Variants in AGRN observed in about 807,000 individuals in gnomAD.
AGRN encodes agrin proteoglycan.
A neutral mutation model predicts 211.0 loss-of-function variants in AGRN; 106 were observed. That is an observed-to-expected ratio of 0.50 (90% confidence interval 0.43 to 0.59). AGRN has a LOEUF of 0.59. AGRN is among the 20% of genes least tolerant of loss of function. AGRN has a pLI of 0.00. For synonymous variants in AGRN, 1,525 were observed against 1,332.5 expected, an observed-to-expected ratio of 1.14 and a Z score of -3.15; for missense variants, 3,040 against 2,982.6, an observed-to-expected ratio of 1.02 and a Z score of -0.45.
At chr1:1,053,303 G>A in intron 33 of AGRN, 1 of 523,970 alleles carries the variant, frequency 1.9e-6, no homozygotes, top group South Asian at 2.0e-5. Context: ...GCATGTGTAG[G>A]TGTCCCTGCT....
chr1:1,049,076 C>CGGGGGGGGAGGG lies in AGRN; in HGVS notation c.4298+21_4298+22insGGGGAGGGGGGG, dbSNP rs759046825. 7 of 1,054,260 alleles carry CGGGGGGGGAGGG rather than the reference C, an allele frequency of 6.6e-6. No individual in the cohort carries two copies. The highest frequency in any genetic ancestry group is 5.8e-5 in the South Asian group (4 of 69,404). 65.3% of individuals were successfully genotyped at this position (1,054,260 alleles called of 1,614,324 possible). ...GCAGCTCAGGTGGGCGGGGAGGGGACGGGGCCGGGGCAGCTCAGGTGGGCG... is the reference window on the plus strand; with the variant it reads ...GCAGCTCAGGTGGGCGGGGAGGGGACGGGGGGGGAGGGGGGGCCGGGGCAGCTCAGGTGGGCG... On this transcript the variant is annotated intron_variant, in intron 24 of 35. Coordinates refer to ENST00000379370, the MANE Select transcript of AGRN (RefSeq NM_198576.4).
intron 4 of AGRN, 33 bp downstream of exon 4, chr1:1,040,913 G>T: frequency 1.4e-6 from 2 of 1,400,144 alleles, no homozygotes; most frequent in Non-Finnish European, 1.8e-6. Flanking sequence ...CTGGGGCGGG[G>T]AGGGGCGGGG....
At chr1:1,045,062 C>G (rs1645052295) in intron 12 of AGRN, 99 bp from the exon 13 acceptor site, 1 of 1,342,300 alleles carries the variant, frequency 7.4e-7, no homozygotes, top group Non-Finnish European at 1.1e-6. Flanking sequence ...ATCGGGACGG[C>G]TGAGTGGTGA....
chr1:1,035,118 C>T, intron 2 of AGRN, 159 bp from the exon 3 acceptor site: 2 of 810,904 alleles, frequency 2.5e-6, no homozygotes, highest in Non-Finnish European at 4.1e-6. Context: ...TCAGCCAGCC[C>T]ATGGGGTCAG....
rs1446088633 is a variant in AGRN at position 1,047,155 on chromosome 1, T to G, written c.3389-172T>G. 1.2e-5 allele frequency: 16 copies of G among 1,345,936 alleles called. No homozygotes were observed. In the Admixed American group the frequency reaches 1.3e-4, roughly 11 times the overall value. 83.4% of individuals were successfully genotyped at this position (1,345,936 alleles called of 1,614,324 possible). On this transcript the variant is annotated intron_variant, in intron 19 of 35. Coordinates refer to ENST00000379370, the MANE Select transcript of AGRN (RefSeq NM_198576.4). ...CGGTGTGGCACACTGCTCTGAGGAG[T>G]CCTCCTGGTAACCGACACCAGCCCC... is the stretch of plus-strand genomic sequence containing the variant.
chr1:1,052,489 T>C (rs896299637), intron 33 of AGRN: 20 of 260,348 alleles, frequency 7.7e-5, no homozygotes, highest in Admixed American at 7.2e-4. Context: ...TGTGTGTATA[T>C]GAGGGAGACA....
intron 3 of AGRN, among the ~76,000 whole-genome samples, chr1:1,037,370 A>G (rs1028227432): frequency 1.1e-4 from 17 of 152,152 alleles, no homozygotes; most frequent in African/African-American, 3.9e-4. Flanking sequence ...CCACAGAGTC[A>G]CGGAGGGCTC....
rs1034878637 is a variant in AGRN at position 1,042,110 on chromosome 1, G to C, written c.1332G>C (p.Gln444His). 6.2e-7 allele frequency: 1 copy of C among 1,602,390 alleles called. No individual in the cohort carries two copies. The highest frequency in any genetic ancestry group is 8.5e-7 in the Non-Finnish European group (1 of 1,178,562). The change falls in exon 7 of 36, where the codon CAG becomes CAC. Residue 444 changes from glutamine to histidine, a missense_variant. Physicochemically the swap from Gln to His is conservative, Grantham distance 24. Around this residue, in one of 3 missense-constraint regions of AGRN, gnomAD observed 1,498 missense variants for 1,457.8 expected, o/e 1.03. Coordinates refer to ENST00000379370, the MANE Select transcript of AGRN (RefSeq NM_198576.4). ...RTYDSDCWRQ[Q>H]AECRQQRAIP... Reference sequence around the variant, plus strand: ...ATGACAGTGATTGCTGGCGGCAGCAGGCTGAGTGCCGGCAGCAGCGTGCCA... The same window carrying C: ...ATGACAGTGATTGCTGGCGGCAGCACGCTGAGTGCCGGCAGCAGCGTGCCA...
Position 1,054,866 on chromosome 1 carries a change from C to T in AGRN, c.6023C>T (p.Ala2008Val), listed in dbSNP as rs1348172114. The change falls in exon 36 of 36, where the codon GCC becomes GTC. Residue 2008 changes from alanine to valine, a missense_variant. By Grantham distance (64) the Ala-to-Val change is moderately conservative. Around this residue, in one of 3 missense-constraint regions of AGRN, gnomAD observed 1,537 missense variants for 1,505.0 expected, o/e 1.02. Coordinates refer to ENST00000379370, the MANE Select transcript of AGRN (RefSeq NM_198576.4). ...ELPVGPALPKAYGTGFVGCLR... is the reference protein window; with the variant it reads ...ELPVGPALPKVYGTGFVGCLR... ...CCCGTGGGCCCAGCACTGCCCAAGG[C>T]CTACGGCACAGGCTTTGTGGGCTGC... The T allele has an allele frequency of 1.3e-6, 2 of 1,557,546 alleles. No homozygotes were observed. Among genetic ancestry groups the T allele is most frequent in the Non-Finnish European group, 1.7e-6 (2 of 1,152,174 alleles).
In AGRN at chr1:1,049,111, CG is replaced by C. The variant is rs754994713; in HGVS notation, c.4298+55del. The C allele has an allele frequency of 2.5e-3, 863 of 342,464 alleles. 21 individuals carry two copies. The African/African-American group carries it at 0.05, about 20-fold the overall frequency. The allele number at this position is 342,464 out of a possible 1,614,324, so 21.2% of individuals were successfully genotyped here. ...GCAGCTCAGGTGGGCGGGGAGGGGA[CG>C]GGCGGGGGAGGGGGGGCCGGGGCAG... On this transcript the variant is annotated intron_variant, in intron 24 of 35. Coordinates refer to ENST00000379370, the MANE Select transcript of AGRN (RefSeq NM_198576.4).
chr1:1,050,373 GTC>G, intron 28 of AGRN, 44 bp downstream of exon 28: 2 of 1,612,680 alleles, frequency 1.2e-6, no homozygotes, highest in Admixed American at 1.7e-5. Flanking sequence ...CCCCACCTCC[GTC>G]TCTCCTGTGG....
rs769084268 is a variant in AGRN at position 1,043,221 on chromosome 1, C to T, written c.1385-18C>T. On this transcript the variant is annotated intron_variant, in intron 7 of 35. Coordinates refer to ENST00000379370, the MANE Select transcript of AGRN (RefSeq NM_198576.4). ...AGGGGGGGCTTGTGGGACCACTGAG[C>T]CCCTGTGTCCTTCCCAGACCAGGCC... 53 of 1,529,558 alleles carry T rather than the reference C, an allele frequency of 3.5e-5. No individual in the cohort carries two copies. The highest frequency in any genetic ancestry group is 4.5e-5 in the Non-Finnish European group (51 of 1,134,338). The allele number at this position is 1,529,558 out of a possible 1,614,324, so 94.7% of individuals were successfully genotyped here.
At chr1:1,021,656 A>AGGTGGAG (rs1170748003) in intron 1 of AGRN, among the ~76,000 whole-genome samples, 2 of 152,224 alleles carry the variant, frequency 1.3e-5, no homozygotes, top group South Asian at 2.1e-4. Flanking sequence ...GGAGCTGAGA[A>AGGTGGAG]GGTGGAGGGT....
intron 2 of AGRN, among the ~76,000 whole-genome samples, chr1:1,027,039 A>G (rs1384285112): frequency 6.6e-6 from 1 of 152,096 alleles, no homozygotes; most frequent in African/African-American, 2.4e-5. Flanking sequence ...CTCTCCCCCC[A>G]GCACAGATCC....
In AGRN at chr1:1,048,815, G is replaced by C. The variant is rs1484262300; in HGVS notation, c.4106-52G>C. On this transcript the variant is annotated intron_variant, in intron 23 of 35. Transcript: ENST00000379370. The surrounding 1 kb of genome is among the most constrained non-coding windows in gnomAD (Gnocchi z 5.9). ...GCAGGGGGCGGTTTCAGGGATAAAAGTGGGGAATCCTCGGAGCTTTTCCAG... is the reference window on the plus strand; with the variant it reads ...GCAGGGGGCGGTTTCAGGGATAAAACTGGGGAATCCTCGGAGCTTTTCCAG... The C allele has an allele frequency of 7.6e-7, 1 of 1,323,424 alleles. No individual in the cohort carries two copies. Among genetic ancestry groups the C allele is most frequent in the Non-Finnish European group, 1.0e-6 (1 of 973,630 alleles). 82.0% of individuals were successfully genotyped at this position (1,323,424 alleles called of 1,614,324 possible).
At chr1:1,029,310 G>C (rs1041975161) in intron 2 of AGRN, among the ~76,000 whole-genome samples, 2 of 148,194 alleles carry the variant, frequency 1.3e-5, no homozygotes, top group Non-Finnish European at 3.0e-5. Flanking sequence ...CCAGTGTATG[G>C]GTGGGGGTTG....
chr1:1,025,042 A>T (rs1482289652), intron 2 of AGRN, among the ~76,000 whole-genome samples: 1 of 152,032 alleles, frequency 6.6e-6, no homozygotes, highest in Non-Finnish European at 1.5e-5. Context: ...CACCTCACAA[A>T]GGCTGGTCCT....
chr1:1,034,844 G>A (rs1427398901), intron 2 of AGRN: 5 of 438,568 alleles, frequency 1.1e-5, no homozygotes, highest in Non-Finnish European at 1.7e-5. Flanking sequence ...CGGACCCCTC[G>A]GTCCCTGGAG....
chr1:1,046,387 C>T lies in AGRN; in HGVS notation c.2912-10C>T. The T allele has an allele frequency of 6.2e-7, 1 of 1,610,708 alleles. No homozygotes were observed. Among genetic ancestry groups the T allele is most frequent in the Non-Finnish European group, 8.5e-7 (1 of 1,178,754 alleles). The stretch of plus-strand genomic sequence containing the variant: ...AACCGGTCCCCCCGCCAACCTCCCT[C>T]TCCTTGCAGAGGCTGTTGCTCCCAG... On this transcript the variant is annotated splice_polypyrimidine_tract_variant and intron_variant, in intron 17 of 35. Coordinates refer to ENST00000379370, the MANE Select transcript of AGRN (RefSeq NM_198576.4).
Sources: gnomAD v4.1 joint callset for allele counts (sites outside exome capture counted in the v4.1 genomes callset) on GRCh38, gnomAD v4.1.1 for gene constraint, gnomAD v4.1.1 regional missense constraint, Gnocchi (gnomAD v3.1) non-coding constraint, MANE v1.5 for transcripts, NCBI Gene and HGNC (gene_info 2026-07-23, HGNC 2026-07-21) for gene names.